The following FANCL variants were observed in gnomAD, a reference collection of about 807,000 sequenced individuals.
The protein encoded by FANCL is E3 ubiquitin-protein ligase FANCL.
A neutral mutation model predicts 59.4 loss-of-function variants in FANCL; 69 were observed. That is an observed-to-expected ratio of 1.16 (90% CI 0.96 to 1.42). The LOEUF (loss-of-function observed/expected upper bound fraction) is 1.42, where lower values mean the gene tolerates loss of function less well. Among genes scored for constraint, FANCL ranks in the 40% most tolerant of loss-of-function variants. FANCL has a pLI of 0.00. For missense variants in FANCL, 519 were observed against 447.2 expected (o/e 1.16, Z -1.45); for synonymous variants, 180 against 147.1 (o/e 1.22, Z -1.62).
chr2:58,239,424 C>T (rs1477980664), intron 1 of FANCL, among the ~76,000 whole-genome samples: 1 of 152,178 alleles, frequency 6.6e-6, no homozygotes, highest in African/African-American at 2.4e-5. Context: ...TTCTACCTAA[C>T]AGCCAATCTG....
intron 3 of FANCL, among the ~76,000 whole-genome samples, chr2:58,229,482 T>C (rs754247473): frequency 4.6e-5 from 7 of 152,200 alleles, no homozygotes; most frequent in Non-Finnish European, 8.8e-5. Context: ...GCCACAGATA[T>C]CCCACAGCTC....
chr2:58,184,221 T>C (rs1688190463), intron 7 of FANCL, among the ~76,000 whole-genome samples: 1 of 152,080 alleles, frequency 6.6e-6, no homozygotes, highest in Non-Finnish European at 1.5e-5. Flanking sequence ...TATGATTTAA[T>C]ATACAATAAC....
chr2:58,227,557 C>T lies in FANCL; in HGVS notation c.217-773G>A, dbSNP rs552955572. On this transcript the variant is annotated intron_variant, in intron 3 of 13. Coordinates refer to ENST00000233741, the MANE Select transcript of FANCL (RefSeq NM_018062.4). ...ATTCTGCCGGTCAATGGCCTGCCGGCATGCTGAAGTCTATCGGTGTGCTCT... is the reference window on the plus strand; with the variant it reads ...ATTCTGCCGGTCAATGGCCTGCCGGTATGCTGAAGTCTATCGGTGTGCTCT... Among the ~76,000 whole-genome samples, 3 of 152,306 alleles carry T rather than the reference C, an allele frequency of 2.0e-5. No individual in the cohort carries two copies. The East Asian group carries it at 5.8e-4, about 29-fold the overall frequency.
Position 58,185,575 on chromosome 2 carries a change from A to T in FANCL, c.540+13019T>A, listed in dbSNP as rs537579188. 2.0e-5 allele frequency among the ~76,000 whole-genome samples: 3 copies of T among 152,274 alleles called. No homozygotes were observed. The East Asian group carries it at 5.8e-4, about 29-fold the overall frequency. ...AGTCTTATAACACTGAAGCACCATC[A>T]GTTGCTTTTGGCAATGCTTGCCAAT... On this transcript the variant is annotated intron_variant, in intron 7 of 13. Coordinates refer to ENST00000233741, the MANE Select transcript of FANCL (RefSeq NM_018062.4).
At chr2:58,222,413 T>C (rs1692577332) in intron 4 of FANCL, among the ~76,000 whole-genome samples, 1 of 152,042 alleles carries the variant, frequency 6.6e-6, no homozygotes, top group Admixed American at 6.5e-5. Flanking sequence ...AAAAAGTACC[T>C]CTAAAGAAAG....
chr2:58,172,303 T>C (rs1331380671), intron 7 of FANCL, among the ~76,000 whole-genome samples: 4 of 152,202 alleles, frequency 2.6e-5, no homozygotes, highest in African/African-American at 9.7e-5. Context: ...CCTCCTTAAG[T>C]GGGTTCTTGA....
intron 5 of FANCL, among the ~76,000 whole-genome samples, chr2:58,216,775 G>A (rs1691761545): frequency 6.6e-6 from 1 of 151,752 alleles, no homozygotes; most frequent in Admixed American, 6.6e-5. Flanking sequence ...CTTGACCTCT[G>A]ACCTCACCTA....
intron 5 of FANCL, among the ~76,000 whole-genome samples, chr2:58,211,225 G>A (rs13394427): frequency 0.032 from 4,943 of 152,314 alleles, 284 homozygotes; most frequent in African/African-American, 0.11. Flanking sequence ...TGAAACCTCA[G>A]TTCTGGACTT....
At chr2:58,194,330 G>C (rs1689226466) in intron 7 of FANCL, 1 of 470,058 alleles carries the variant, frequency 2.1e-6, no homozygotes, top group Non-Finnish European at 4.4e-6. Flanking sequence ...CTTAAAATCT[G>C]ACATTTAGGC....
chr2:58,182,897 C>A (rs1197898509), intron 7 of FANCL, among the ~76,000 whole-genome samples: 1 of 151,774 alleles, frequency 6.6e-6, no homozygotes, highest in Non-Finnish European at 1.5e-5. Context: ...ATCCCTAGCT[C>A]TACCACTTAA....
chr2:58,229,141 C>A (rs1481784833), intron 3 of FANCL, among the ~76,000 whole-genome samples: 1 of 152,044 alleles, frequency 6.6e-6, no homozygotes, highest in East Asian at 1.9e-4. Flanking sequence ...TAGATAATAA[C>A]CTGCCTTTAA....
chr2:58,206,818 G>C (rs192738544), intron 5 of FANCL, among the ~76,000 whole-genome samples: 1 of 152,262 alleles, frequency 6.6e-6, no homozygotes, highest in Non-Finnish European at 1.5e-5. Context: ...ATTAATATCA[G>C]CATGGCCATT....
chr2:58,223,709 C>A (rs780243941), intron 4 of FANCL, among the ~76,000 whole-genome samples: 92 of 151,916 alleles, frequency 6.1e-4, no homozygotes, highest in Middle Eastern at 6.8e-3. Context: ...TGGCTCAGCT[C>A]TAAAATAGAA....
At chr2:58,198,317 T>A (rs996909798) in intron 7 of FANCL, among the ~76,000 whole-genome samples, 18 of 152,086 alleles carry the variant, frequency 1.2e-4, no homozygotes, top group African/African-American at 4.3e-4. Flanking sequence ...ACAGAAAATA[T>A]TCAAAAATAA....
At position 58,221,678 on chromosome 2, in the gene FANCL, C is replaced by T. The variant is rs369699068; in HGVS notation, c.374+264G>A. 2.0e-5 allele frequency among the ~76,000 whole-genome samples: 3 copies of T among 152,208 alleles called. 1 individual carries two copies. The highest frequency in any genetic ancestry group is 7.2e-5 in the African/African-American group (3 of 41,558). ...AAAATTTAGAATACAGTTGTATGTTCAGTGAAAGTATCTATTACGGTAACA... is the reference window on the plus strand; with the variant it reads ...AAAATTTAGAATACAGTTGTATGTTTAGTGAAAGTATCTATTACGGTAACA... On this transcript the variant is annotated intron_variant, in intron 5 of 13. Transcript: ENST00000233741.
At chr2:58,209,426 A>G (rs903705809) in intron 5 of FANCL, among the ~76,000 whole-genome samples, 1 of 152,118 alleles carries the variant, frequency 6.6e-6, no homozygotes, top group Non-Finnish European at 1.5e-5. Flanking sequence ...AATGACATGG[A>G]TTTATGTATG....
intron 7 of FANCL, among the ~76,000 whole-genome samples, chr2:58,167,975 T>A (rs1347113281): frequency 3.9e-5 from 6 of 152,080 alleles, no homozygotes; most frequent in African/African-American, 1.4e-4. Context: ...TTTCCCCAAA[T>A]TGAAAAAAAT....
In FANCL at chr2:58,159,815, C is replaced by T. The variant is rs767450055; in HGVS notation, c.1093-15G>A. On this transcript the variant is annotated splice_polypyrimidine_tract_variant and intron_variant, in intron 13 of 13. Coordinates refer to ENST00000233741, the MANE Select transcript of FANCL (RefSeq NM_018062.4). The stretch of plus-strand genomic sequence containing the variant: ...AAGGTAATTGGCTTTAAAAAGAGAA[C>T]ATATTTTAACAAAGTTTGTGGACAC... The T allele has an allele frequency of 6.2e-7, 1 of 1,611,746 alleles. No homozygotes were observed. The highest frequency in any genetic ancestry group is 1.7e-5 in the Admixed American group (1 of 59,714).
intron 1 of FANCL, among the ~76,000 whole-genome samples, chr2:58,238,991 A>T (rs1172540695): frequency 2.0e-5 from 3 of 152,186 alleles, no homozygotes; most frequent in Admixed American, 1.3e-4. Flanking sequence ...TAATTTTTTT[A>T]AAAGTCCATG....
Sources: gnomAD v4.1 joint callset for allele counts (sites outside exome capture counted in the v4.1 genomes callset) on GRCh38, gnomAD v4.1.1 for gene constraint, MANE v1.5 for transcripts, NCBI Gene and HGNC (gene_info 2026-07-23, HGNC 2026-07-21) for gene names.